The following DSCC1 variants were observed in gnomAD, a reference collection of about 807,000 sequenced individuals.
The protein encoded by DSCC1 is sister chromatid cohesion protein DCC1.
DSCC1 carries 32 observed loss-of-function variants against 48.2 expected under a neutral mutation model. The ratio of observed to expected loss-of-function variants is 0.66; its 90% CI spans 0.50 to 0.89. The LOEUF (loss-of-function observed/expected upper bound fraction) is 0.89, where lower values mean the gene tolerates loss of function less well. Among genes scored for constraint, DSCC1 ranks in the 40% least tolerant of loss-of-function variants. The pLI is 0.00. For missense variants in DSCC1, 421 were observed against 471.7 expected (o/e 0.89, Z 1.00); for synonymous variants, 150 against 171.5 (o/e 0.87, Z 0.98).
At chr8:119,842,098 G>T (rs1208144293) in intron 6 of DSCC1, 150 bp from the exon 7 acceptor site, 2 of 857,342 alleles carry the variant, frequency 2.3e-6, no homozygotes, top group South Asian at 1.8e-5. Context: ...TTTTGAGACA[G>T]AGTCTCGCTC....
chr8:119,843,242 C>G (rs1464366287), intron 5 of DSCC1, among the ~76,000 whole-genome samples: 3 of 151,842 alleles, frequency 2.0e-5, no homozygotes, highest in Admixed American at 2.0e-4. Context: ...GCACACGGCA[C>G]CACGCCCAGC....
At chr8:119,835,043 G>C in intron 8 of DSCC1, 42 bp from the exon 9 acceptor site, 1 of 1,320,146 alleles carries the variant, frequency 7.6e-7, no homozygotes, top group South Asian at 1.2e-5. Flanking sequence ...ATATTTTAGG[G>C]AACATATTAT....
chr8:119,849,362 C>T (rs1010550233), intron 3 of DSCC1, among the ~76,000 whole-genome samples: 21 of 152,026 alleles, frequency 1.4e-4, no homozygotes, highest in Non-Finnish European at 2.2e-4. Flanking sequence ...GCCAAGACTG[C>T]GCCACTGCAC....
At position 119,842,779 on chromosome 8, in the gene DSCC1, C is replaced by A. The variant is rs975848636; in HGVS notation, c.766G>T (p.Glu256Ter). 2 of 1,606,254 alleles carry A rather than the reference C, an allele frequency of 1.2e-6. No individual in the cohort carries two copies. Among genetic ancestry groups the A allele is most frequent in the Non-Finnish European group, 1.7e-6 (2 of 1,175,818 alleles). ...LKCYGKKYVDEGEVYFELDAD... is the reference protein window; with the variant it reads ...LKCYGKKYVD ...GAGAATACTTTCCAAATCTTACCTTCATCTACATATTTCTTCCCATAACAT... is the reference window on the plus strand; with the variant it reads ...GAGAATACTTTCCAAATCTTACCTTAATCTACATATTTCTTCCCATAACAT... Residue 256 changes from glutamate to a stop codon, truncating the protein, a stop_gained, in exon 6 of 9, where the codon GAA (glutamate) becomes TAA (stop). Transcript: ENST00000313655. LOFTEE classifies it high-confidence loss of function.
chr8:119,843,725 AAATTC>A lies in DSCC1; in HGVS notation c.595_599del (p.Glu199Ter), dbSNP rs1321420058. On this transcript the variant is annotated frameshift_variant, in exon 5 of 9. Transcript: ENST00000313655. LOFTEE classifies it high-confidence loss of function. ...GATTCAGAAGTTTCATCTCATAATC[AAATTC>A]AAGAATCCTCCAATAACCTACAAAT... The A allele has an allele frequency of 1.9e-6, 3 of 1,609,680 alleles. No individual in the cohort carries two copies. In the African/African-American group the frequency reaches 4.0e-5, roughly 22 times the overall value.
chr8:119,835,848 A>G (rs556153835), intron 8 of DSCC1, among the ~76,000 whole-genome samples: 2 of 152,214 alleles, frequency 1.3e-5, no homozygotes, highest in South Asian at 4.1e-4. Context: ...CGACCGGAAC[A>G]TAATAAGGAG....
intron 6 of DSCC1, among the ~76,000 whole-genome samples, chr8:119,842,455 C>G (rs61438417): frequency 0.27 from 39,593 of 149,218 alleles, 5,911 homozygotes; most frequent in African/African-American, 0.4. Context: ...AATGAAGGTT[C>G]ATTGCCGCCT....
At chr8:119,838,116 C>G (rs1242741198) in intron 8 of DSCC1, 143 bp downstream of exon 8, 2 of 813,562 alleles carry the variant, frequency 2.5e-6, no homozygotes, top group East Asian at 6.1e-5. Flanking sequence ...ACAGAGAAGA[C>G]AGCCACCACC....
At chr8:119,838,553 C>A (rs1204942537) in intron 7 of DSCC1, 146 bp from the exon 8 acceptor site, 2 of 994,700 alleles carry the variant, frequency 2.0e-6, no homozygotes, top group Non-Finnish European at 2.7e-6. Flanking sequence ...GATTTACAAT[C>A]GCCTTTTTCA....
In DSCC1 at chr8:119,838,244, T is replaced by C; in HGVS notation, c.1073+15A>G. On this transcript the variant is annotated intron_variant, in intron 8 of 8. Coordinates refer to ENST00000313655, the MANE Select transcript of DSCC1 (RefSeq NM_024094.3). The stretch of plus-strand genomic sequence containing the variant: ...AAGAACGACCCTCAAAATCCGTCTT[T>C]AATAAATTACTTACTGAATATATGG... The C allele has an allele frequency of 6.5e-7, 1 of 1,539,586 alleles. No individual in the cohort carries two copies. The highest frequency in any genetic ancestry group is 8.7e-7 in the Non-Finnish European group (1 of 1,149,554).
chr8:119,835,011 C>T lies in DSCC1; in HGVS notation c.1074-10G>A. ...CTCTCCACACAAATCTCTGTAGGAA[C>T]AATAAAAAATATATAACATGAATAT... On this transcript the variant is annotated splice_polypyrimidine_tract_variant and intron_variant, in intron 8 of 8. Coordinates refer to ENST00000313655, the MANE Select transcript of DSCC1 (RefSeq NM_024094.3). 1 of 1,517,870 alleles carries T rather than the reference C, an allele frequency of 6.6e-7. No homozygotes were observed. The highest frequency in any genetic ancestry group is 1.4e-5 in the African/African-American group (1 of 71,746). The allele number at this position is 1,517,870 out of a possible 1,614,324, so 94.0% of individuals were successfully genotyped here.
In DSCC1 at chr8:119,855,849, G is replaced by A; in HGVS notation, c.-54C>T. 7.1e-7 allele frequency: 1 copy of A among 1,410,094 alleles called. No homozygotes were observed. Among genetic ancestry groups the A allele is most frequent in the East Asian group, 3.0e-5 (1 of 33,886 alleles). The allele number at this position is 1,410,094 out of a possible 1,614,324, so 87.3% of individuals were successfully genotyped here. On this transcript the variant is annotated 5_prime_UTR_variant, in exon 1 of 9. Transcript: ENST00000313655. ...CGCCCGGGTGGCTGCGGGCTTGGCGGGCAAGAAAGAAGTTCCCAAGCAGCC... is the reference window on the plus strand; with the variant it reads ...CGCCCGGGTGGCTGCGGGCTTGGCGAGCAAGAAAGAAGTTCCCAAGCAGCC...
At position 119,855,702 on chromosome 8, in the gene DSCC1, C is replaced by A. The variant is rs997925882; in HGVS notation, c.94G>T (p.Gly32Cys). ...LLPAVHCLGF[G>C]PGASGAAAGD... ...GCTGCAGCGCCGCTGGCCCCAGGGC[C>A]GAAGCCCAGGCAGTGCACCGCCGGC... Residue 32 changes from glycine to cysteine, a missense_variant, in exon 1 of 9, where the codon GGC becomes TGC. By Grantham distance (159) the Gly-to-Cys change is radical. Around this residue, in one of 3 missense-constraint regions of DSCC1, gnomAD observed 174 missense variants for 184.5 expected, o/e 0.94. Coordinates refer to ENST00000313655, the MANE Select transcript of DSCC1 (RefSeq NM_024094.3). 1.9e-6 allele frequency: 3 copies of A among 1,562,144 alleles called. No individual in the cohort carries two copies. Among genetic ancestry groups the A allele is most frequent in the Middle Eastern group, 3.5e-4 (2 of 5,794 alleles).
Position 119,852,395 on chromosome 8 carries a change from C to T in DSCC1, c.351+652G>A, listed in dbSNP as rs143733455. 6.6e-3 allele frequency among the ~76,000 whole-genome samples: 1,005 copies of T among 152,216 alleles called. 10 individuals are homozygous for T. Among genetic ancestry groups the T allele is most frequent in the South Asian group, 0.034 (164 of 4,818 alleles). ...TGGAGACAGAGTCTTGCTCTGTCAC[C>T]CAGGCTGGAGTGCAGTGGCGTGATC... On this transcript the variant is annotated intron_variant, in intron 2 of 8. Transcript: ENST00000313655.
chr8:119,849,868 A>G (rs1051027285), intron 3 of DSCC1, among the ~76,000 whole-genome samples: 2 of 152,188 alleles, frequency 1.3e-5, no homozygotes, highest in African/African-American at 4.8e-5. Flanking sequence ...GAGTTCTGTA[A>G]TTTTTAAATT....
In DSCC1 at chr8:119,847,844, C is replaced by T. The variant is rs374894686; in HGVS notation, c.487-764G>A. ...CCACACCTGGCAAATTTTGAATTTT[C>T]AGTTGAGGCACGGTTTCTCCGTGTA... On this transcript the variant is annotated intron_variant, in intron 3 of 8. Coordinates refer to ENST00000313655, the MANE Select transcript of DSCC1 (RefSeq NM_024094.3). 1.6e-3 allele frequency among the ~76,000 whole-genome samples: 247 copies of T among 152,036 alleles called. 1 individual carries two copies. The highest frequency in any genetic ancestry group is 5.6e-3 in the African/African-American group (233 of 41,514).
chr8:119,839,747 A>G (rs1826739748), intron 7 of DSCC1: 1 of 152,200 alleles, frequency 6.6e-6, no homozygotes, highest in Admixed American at 6.6e-5. Flanking sequence ...ACTCCAGCCC[A>G]TGCATCCCTA....
At chr8:119,845,892 T>A (rs1353307457) in intron 4 of DSCC1, among the ~76,000 whole-genome samples, 1 of 151,918 alleles carries the variant, frequency 6.6e-6, no homozygotes. Context: ...GAGGCTGCAG[T>A]GAGCCGAGAT....
chr8:119,844,931 A>G (rs1826833051), intron 4 of DSCC1, among the ~76,000 whole-genome samples: 1 of 152,148 alleles, frequency 6.6e-6, no homozygotes, highest in East Asian at 1.9e-4. Context: ...ATACTCATGA[A>G]GAAGTCCAGC....
Sources: allele counts gnomAD v4.1 joint callset (sites outside exome capture counted in the v4.1 genomes callset), GRCh38; gene constraint gnomAD v4.1.1; regional missense constraint gnomAD v4.1.1; transcripts MANE v1.5; gene names NCBI Gene and HGNC (gene_info 2026-07-23, HGNC 2026-07-21).